Variants in OR9G1 observed in about 807,000 individuals in gnomAD.
OR9G1 encodes olfactory receptor 9G1.
A neutral mutation model predicts 14.5 loss-of-function variants in OR9G1; 21 were observed. The observed-to-expected ratio is 1.45, with a 90% CI of 1.03 to 2.09. The LOEUF (loss-of-function observed/expected upper bound fraction) is 2.09. Among genes scored for constraint, OR9G1 ranks in the 30% most tolerant of loss-of-function variants. OR9G1 has a pLI of 0.00. For synonymous variants in OR9G1, 179 were observed against 153.3 expected (o/e 1.17, Z -1.24); for missense variants, 476 against 364.2 (o/e 1.31, Z -2.50).
chr11:56,701,193 T>C lies in OR9G1; in HGVS notation c.806T>C (p.Met269Thr), dbSNP rs911865398. Residue 269 changes from methionine (M) to threonine (T), a missense_variant, in exon 2 of 2, where the codon ATG (methionine) becomes ACG (threonine). This residue lies in a region of OR9G1 where 352 missense variants were observed against 211.6 expected (regional missense o/e 1.66). Transcript: ENST00000642097. ...CCCAGATCTAGCTATTCTTTTGATATGGACAAAATAGTTTCTACATTTTAC... is the reference window on the plus strand; with the variant it reads ...CCCAGATCTAGCTATTCTTTTGATACGGACAAAATAGTTTCTACATTTTAC... ...ALPRSSYSFD[M>T]DKIVSTFYTV... is the part of the protein sequence containing the mutation. 9 of 1,614,306 alleles carry C rather than the reference T, an allele frequency of 5.6e-6. No homozygotes were observed. The highest frequency in any genetic ancestry group is 6.8e-6 in the Non-Finnish European group (8 of 1,180,050).
At position 56,702,728 on chromosome 11, in the gene OR9G1, T is replaced by C. The variant is rs966011378; in HGVS notation, c.*1423T>C. ...AGTTAGAACTCCTACAAGTAGAGAA[T>C]ACAATAGTAGTTGCCAGTGACTGGG... On this transcript the variant is annotated 3_prime_UTR_variant, in exon 2 of 2. Transcript: ENST00000642097. 6.6e-6 allele frequency: 1 copy of C among 152,336 alleles called. No homozygotes were observed. Among genetic ancestry groups the C allele is most frequent in the African/African-American group, 2.4e-5 (1 of 41,486 alleles). The allele number at this position is 152,336 out of a possible 1,614,324, so 9.4% of individuals were successfully genotyped here. A position where few individuals can be genotyped will look rare whatever the true frequency, so the allele number is the denominator to read the frequency against.
Position 56,700,454 on chromosome 11 carries a change from C to G in OR9G1, c.67C>G (p.Gln23Glu), listed in dbSNP as rs750441940. The G allele has an allele frequency of 6.2e-7, 1 of 1,614,178 alleles. No homozygotes were observed. Among genetic ancestry groups the G allele is most frequent in the Non-Finnish European group, 8.5e-7 (1 of 1,180,050 alleles). Reference sequence around the variant, plus strand: ...GGGCTTCACCACAGACCCAGGAATGCAGCTGGGCCTCTTCGTGGTGTTCCT... The same window carrying G: ...GGGCTTCACCACAGACCCAGGAATGGAGCTGGGCCTCTTCGTGGTGTTCCT... ...LLGFTTDPGM[Q>E]LGLFVVFLGV... The change falls in exon 2 of 2, where the codon CAG becomes GAG. Residue 23 changes from glutamine to glutamate, a missense_variant. This residue lies in a region of OR9G1 where 89 missense variants were observed against 85.1 expected (regional missense o/e 1.05). Coordinates refer to ENST00000642097, the MANE Select transcript of OR9G1 (RefSeq NM_001005213.2).
chr11:56,702,618 A>C lies in OR9G1; in HGVS notation c.*1313A>C, dbSNP rs558390860. 6.6e-6 allele frequency: 1 copy of C among 152,130 alleles called. No individual in the cohort carries two copies. The allele number at this position is 152,130 out of a possible 1,614,324, so 9.4% of individuals were successfully genotyped here. A position where few individuals can be genotyped will look rare whatever the true frequency, so the allele number is the denominator to read the frequency against. On this transcript the variant is annotated 3_prime_UTR_variant, in exon 2 of 2. Transcript: ENST00000642097. ...TATAATGCATAATGTATAATATACG[A>C]AGTGATATTTCATTATGATAAGTGA... is the stretch of plus-strand genomic sequence containing the variant.
At chr11:56,699,856 T>A (rs958096103) in intron 1 of OR9G1, among the ~76,000 whole-genome samples, 1 of 152,312 alleles carries the variant, frequency 6.6e-6, no homozygotes, top group African/African-American at 2.4e-5. Flanking sequence ...AAACATTGTA[T>A]CTATTCTCTT....
chr11:56,701,289 A>G lies in OR9G1; in HGVS notation c.902A>G (p.Lys301Arg). ...LRNKDVKEAL[K>R]KLLP The stretch of plus-strand genomic sequence containing the variant: ...AATAAGGATGTGAAAGAGGCTCTGA[A>G]AAAACTTCTCCCATAAATCAAGATT... Residue 301 changes from lysine to arginine, a missense_variant, in exon 2 of 2, where the codon AAA (lysine) becomes AGA (arginine). Lys to Arg is a conservative substitution (Grantham distance 26). Coordinates refer to ENST00000642097, the MANE Select transcript of OR9G1 (RefSeq NM_001005213.2). 1 of 1,605,802 alleles carries G rather than the reference A, an allele frequency of 6.2e-7. No individual in the cohort carries two copies. Among genetic ancestry groups the G allele is most frequent in the Non-Finnish European group, 8.5e-7 (1 of 1,177,708 alleles).
In OR9G1 at chr11:56,700,887, T is replaced by C. The variant is rs2135018875; in HGVS notation, c.500T>C (p.Phe167Ser). The C allele has an allele frequency of 6.2e-7, 1 of 1,614,268 alleles. No homozygotes were observed. Residue 167 changes from phenylalanine to serine, a missense_variant, in exon 2 of 2, where the codon TTC becomes TCC. By Grantham distance (155) the Phe-to-Ser change is radical. Transcript: ENST00000642097. ...ACCAAGAAAACGTTTTCCTTTAACTTCTGCCGTGAAAACATCATTGATGAC... is the reference window on the plus strand; with the variant it reads ...ACCAAGAAAACGTTTTCCTTTAACTCCTGCCGTGAAAACATCATTGATGAC... ...IITKKTFSFN[F>S]CRENIIDDFF...
chr11:56,702,059 A>T lies in OR9G1; in HGVS notation c.*754A>T, dbSNP rs1405895237. ...ATTTTGGCTAAGTGAAACAATTTCA[A>T]AAATAAAAGTCTATGAGTACACATT... On this transcript the variant is annotated 3_prime_UTR_variant, in exon 2 of 2. Coordinates refer to ENST00000642097, the MANE Select transcript of OR9G1 (RefSeq NM_001005213.2). 1 of 152,290 alleles carries T rather than the reference A, an allele frequency of 6.6e-6. No individual in the cohort carries two copies. The highest frequency in any genetic ancestry group is 1.9e-4 in the East Asian group (1 of 5,198). The allele number at this position is 152,290 out of a possible 1,614,324, so 9.4% of individuals were successfully genotyped here.
In OR9G1 at chr11:56,701,843, T is replaced by TTGTAG; in HGVS notation, c.*538_*539insTGTAG. 1 of 51,230 alleles carries TTGTAG rather than the reference T, an allele frequency of 2.0e-5. No individual in the cohort carries two copies. Among genetic ancestry groups the TTGTAG allele is most frequent in the African/African-American group, 7.7e-5 (1 of 13,028 alleles). 3.2% of individuals were successfully genotyped at this position (51,230 alleles called of 1,614,324 possible). On this transcript the variant is annotated 3_prime_UTR_variant, in exon 2 of 2. Transcript: ENST00000642097. Reference sequence around the variant, plus strand: ...GACCCAGAAAGGCATGACCTTGCTATGCCTCTTACATAAGTTTCTTGATGA... The same window carrying TTGTAG: ...GACCCAGAAAGGCATGACCTTGCTATTGTAGGCCTCTTACATAAGTTTCTTGATGA...
intron 1 of OR9G1, among the ~76,000 whole-genome samples, 166 bp from the exon 2 acceptor site, chr11:56,700,204 A>T (rs1411665084): frequency 6.6e-6 from 1 of 152,312 alleles, no homozygotes; most frequent in Non-Finnish European, 1.5e-5. Context: ...TTAGAATTGA[A>T]TACATAATTG....
Position 56,701,200 on chromosome 11 carries a change from A to T in OR9G1, c.813A>T (p.Lys271Asn), listed in dbSNP as rs1857624580. Residue 271 changes from lysine to asparagine, a missense_variant, in exon 2 of 2, where the codon AAA becomes AAT. Lys to Asn is a moderately conservative substitution (Grantham distance 94, BLOSUM62 0). Around this residue, in one of 3 missense-constraint regions of OR9G1, gnomAD observed 352 missense variants for 211.6 expected, o/e 1.66. Coordinates refer to ENST00000642097, the MANE Select transcript of OR9G1 (RefSeq NM_001005213.2). Reference protein sequence around the residue: ...PRSSYSFDMDKIVSTFYTVVF... With the variant: ...PRSSYSFDMDNIVSTFYTVVF... ...CTAGCTATTCTTTTGATATGGACAA[A>T]ATAGTTTCTACATTTTACACTGTGG... is the stretch of plus-strand genomic sequence containing the variant. 6.2e-7 allele frequency: 1 copy of T among 1,614,304 alleles called. No individual in the cohort carries two copies. Among genetic ancestry groups the T allele is most frequent in the East Asian group, 2.2e-5 (1 of 44,896 alleles).
At chr11:56,699,849 C>T (rs1424906711) in intron 1 of OR9G1, among the ~76,000 whole-genome samples, 1 of 152,306 alleles carries the variant, frequency 6.6e-6, no homozygotes, top group African/African-American at 2.4e-5. Context: ...TTCCCCAAAA[C>T]ATTGTATCTA....
chr11:56,700,219 GCCTGAT>G, intron 1 of OR9G1, 145 bp from the exon 2 acceptor site: 1 of 328,894 alleles, frequency 3.0e-6, no homozygotes, highest in Non-Finnish European at 4.3e-6. Flanking sequence ...TAATTGCAAA[GCCTGAT>G]TGTTGCAAAA....
rs1590583765 is a variant in OR9G1, at chr11:56,702,958, T to C, written c.*1653T>C. On this transcript the variant is annotated 3_prime_UTR_variant, in exon 2 of 2. Coordinates refer to ENST00000642097, the MANE Select transcript of OR9G1 (RefSeq NM_001005213.2). ...TAAGTATATGAGGTGATGGACATAA[T>C]AATTAGTCGAAGATGTTCAATCTAC... 1 of 151,722 alleles carries C rather than the reference T, an allele frequency of 6.6e-6. No individual in the cohort carries two copies. Among genetic ancestry groups the C allele is most frequent in the Admixed American group, 6.6e-5 (1 of 15,196 alleles). The allele number at this position is 151,722 out of a possible 1,614,324, so 9.4% of individuals were successfully genotyped here.
Position 56,699,572 on chromosome 11 carries a change from C to T in OR9G1, c.-19+382C>T, listed in dbSNP as rs1590578693. On this transcript the variant is annotated intron_variant, in intron 1 of 1. Transcript: ENST00000642097. ...GAGAAGTTAGTCTGTCAAGAATTGT[C>T]TTTACAGTGTAAGACAGATGTATGC... Among the ~76,000 whole-genome samples, 3 of 152,430 alleles carry T rather than the reference C, an allele frequency of 2.0e-5. No individual in the cohort carries two copies. The East Asian group carries it at 5.8e-4, about 29-fold the overall frequency.
Position 56,701,293 on chromosome 11 carries a change from ACTT to A in OR9G1, c.909_911del (p.Leu304del). ...AGGATGTGAAAGAGGCTCTGAAAAA[ACTT>A]CTCCCATAAATCAAGATTATCTCCA... is the stretch of plus-strand genomic sequence containing the variant. On this transcript the variant is annotated inframe_deletion, in exon 2 of 2. Coordinates refer to ENST00000642097, the MANE Select transcript of OR9G1 (RefSeq NM_001005213.2). 1 of 1,604,130 alleles carries A rather than the reference ACTT, an allele frequency of 6.2e-7. No individual in the cohort carries two copies. The highest frequency in any genetic ancestry group is 1.1e-5 in the South Asian group (1 of 89,418).
Position 56,700,726 on chromosome 11 carries a change from G to C in OR9G1, c.339G>C (p.Leu113=). The C allele has an allele frequency of 9.3e-6, 15 of 1,614,290 alleles. No individual in the cohort carries two copies. The highest frequency in any genetic ancestry group is 1.3e-5 in the Non-Finnish European group (15 of 1,180,056). The change falls in exon 2 of 2, where the codon CTG becomes CTC. Residue 113 remains leucine (L), a synonymous_variant. Transcript: ENST00000642097. ...GGCTGGCCTATAGTGAGTGCTACCT[G>C]CTGGCTGCCGTGGCTTATGACCGCT... is the stretch of plus-strand genomic sequence containing the variant. ...SAGLAYSECY[L]LAAVAYDRYV...
rs756049217 is a variant in OR9G1 at position 56,700,949 on chromosome 11, T to G, written c.562T>G (p.Cys188Gly). 2 of 1,614,258 alleles carry G rather than the reference T, an allele frequency of 1.2e-6. No individual in the cohort carries two copies. The highest frequency in any genetic ancestry group is 4.5e-5 in the East Asian group (2 of 44,896). The stretch of plus-strand genomic sequence containing the variant: ...TTTGCTTCCCTTGGTGGAGCTGGCC[T>G]GTGGCGAGAAGGGCGGCTATAAAAT... ...CDLLPLVELA[C>G]GEKGGYKIMM... Residue 188 changes from cysteine (C) to glycine (G), a missense_variant, in exon 2 of 2, where the codon TGT (cysteine) becomes GGT (glycine). Cys to Gly is a radical substitution (Grantham distance 159). Around this residue, in one of 3 missense-constraint regions of OR9G1, gnomAD observed 352 missense variants for 211.6 expected, o/e 1.66. Coordinates refer to ENST00000642097, the MANE Select transcript of OR9G1 (RefSeq NM_001005213.2).
intron 1 of OR9G1, among the ~76,000 whole-genome samples, chr11:56,700,119 C>G (rs74586653): frequency 1.3e-5 from 2 of 152,310 alleles, no homozygotes; most frequent in Admixed American, 1.3e-4. Flanking sequence ...AGAAAAATAG[C>G]AATTATAAGT....
Position 56,702,339 on chromosome 11 carries a change from T to A in OR9G1, c.*1034T>A, listed in dbSNP as rs188504310. On this transcript the variant is annotated 3_prime_UTR_variant, in exon 2 of 2. Coordinates refer to ENST00000642097, the MANE Select transcript of OR9G1 (RefSeq NM_001005213.2). ...GTTTCTAATTGTTAGCTATTGTGAA[T>A]AATACTGCAATGAACATGAAAGCAC... 6.6e-6 allele frequency: 1 copy of A among 152,410 alleles called. No homozygotes were observed. The highest frequency in any genetic ancestry group is 1.9e-4 in the East Asian group (1 of 5,196). The allele number at this position is 152,410 out of a possible 1,614,324, so 9.4% of individuals were successfully genotyped here.
Sources: allele counts gnomAD v4.1 joint callset (sites outside exome capture counted in the v4.1 genomes callset), GRCh38; gene constraint gnomAD v4.1.1; regional missense constraint gnomAD v4.1.1; transcripts MANE v1.5; gene names NCBI Gene and HGNC (gene_info 2026-07-23, HGNC 2026-07-21).